The following CHD3 variants were observed in gnomAD, a reference collection of about 807,000 sequenced individuals.
CHD3 encodes the protein chromodomain helicase DNA binding protein 3, also known as ATP-dependent chromatin remodeler CHD3.
CHD3 carries 52 observed loss-of-function variants against 248.9 expected under a neutral mutation model. That is an observed-to-expected ratio of 0.21 (90% confidence interval 0.17 to 0.26). CHD3 has a LOEUF of 0.26. Ranked by LOEUF, CHD3 falls within the 10% of genes least tolerant of loss-of-function variation. CHD3 has a pLI of 1.00. For synonymous variants in CHD3, 985 were observed against 985.2 expected, an observed-to-expected ratio of 1.00 and a Z score of 0.00; for missense variants, 1,482 against 2,605.8, an observed-to-expected ratio of 0.57 and a Z score of 9.39.
In CHD3 at chr17:7,910,996, C is replaced by T; in HGVS notation, c.5881+23C>T. The stretch of plus-strand genomic sequence containing the variant: ...CAGGTCAGCTGGTGTTTTCCTACCC[C>T]CTGCTACTCACACTCCTCCTTTGCC... On this transcript the variant is annotated intron_variant, in intron 39 of 39. Coordinates refer to ENST00000330494, the MANE Select transcript of CHD3 (RefSeq NM_001005273.3). This position sits in a 1 kb window ranked among gnomAD's most constrained non-coding sequence, Gnocchi z 4.7. The T allele has an allele frequency of 2.5e-6, 4 of 1,612,148 alleles. No individual in the cohort carries two copies. Among genetic ancestry groups the T allele is most frequent in the Non-Finnish European group, 3.4e-6 (4 of 1,179,388 alleles).
At position 7,901,642 on chromosome 17, in the gene CHD3, C is replaced by T. The variant is rs541316617; in HGVS notation, c.3252+267C>T. ...TCTCCTGCCTCAGCCTCCCAAGTAG[C>T]TGGGATTACAGGCGTGCACCACCAT... is the stretch of plus-strand genomic sequence containing the variant. On this transcript the variant is annotated intron_variant, in intron 20 of 39. Coordinates refer to ENST00000330494, the MANE Select transcript of CHD3 (RefSeq NM_001005273.3). Among the ~76,000 whole-genome samples the T allele has an allele frequency of 4.6e-5, 7 of 151,728 alleles. No homozygotes were observed. The South Asian group carries it at 1.5e-3, about 32-fold the overall frequency.
chr17:7,889,549 G>A lies in CHD3; in HGVS notation c.101-115G>A, dbSNP rs749266184. ...CCAGTGAAGGGAGGCAGGGCTTGGA[G>A]GAGTTAATGCTTCCTAGAGAGTGGG... is the stretch of plus-strand genomic sequence containing the variant. On this transcript the variant is annotated intron_variant, in intron 1 of 39. Coordinates refer to ENST00000330494, the MANE Select transcript of CHD3 (RefSeq NM_001005273.3). This position sits in a 1 kb window ranked among gnomAD's most constrained non-coding sequence, Gnocchi z 4.5. The A allele has an allele frequency of 2.2e-4, 171 of 778,776 alleles. No homozygotes were observed. The highest frequency in any genetic ancestry group is 3.4e-4 in the Non-Finnish European group (161 of 472,878). The allele number at this position is 778,776 out of a possible 1,614,324, so 48.2% of individuals were successfully genotyped here. A position where few individuals can be genotyped will look rare whatever the true frequency, so the allele number is the denominator to read the frequency against.
chr17:7,900,512 C>A lies in CHD3; in HGVS notation c.2805-46C>A, dbSNP rs779133005. ...GAGGTGGTAAGTCTGAGATCAGGGGCAAGGAACTTGCCGACCTGTTAATTT... is the reference window on the plus strand; with the variant it reads ...GAGGTGGTAAGTCTGAGATCAGGGGAAAGGAACTTGCCGACCTGTTAATTT... On this transcript the variant is annotated intron_variant, in intron 17 of 39. Coordinates refer to ENST00000330494, the MANE Select transcript of CHD3 (RefSeq NM_001005273.3). This position sits in a 1 kb window ranked among gnomAD's most constrained non-coding sequence, Gnocchi z 6.5. The A allele has an allele frequency of 1.3e-5, 21 of 1,609,452 alleles. No individual in the cohort carries two copies. The Admixed American group carries it at 2.5e-4, about 19-fold the overall frequency.
upstream of CHD3, among the ~76,000 whole-genome samples, chr17:7,885,576 C>T (rs901251563): frequency 1.3e-5 from 2 of 151,534 alleles, no homozygotes; most frequent in African/African-American, 4.8e-5. Flanking sequence ...GAGGGGCGGC[C>T]GCGCGAGCGC....
chr17:7,905,217 G>T lies in CHD3; in HGVS notation c.4138+52G>T. On this transcript the variant is annotated intron_variant, in intron 26 of 39. Transcript: ENST00000330494. The surrounding 1 kb of genome is among the most constrained non-coding windows in gnomAD (Gnocchi z 5.8). ...TCACCTCTTCCCGTTTTATTTTCCA[G>T]TTTGCTTTAAGCCCACTGTTTTTAT... 1.3e-6 allele frequency: 2 copies of T among 1,568,588 alleles called. No individual in the cohort carries two copies. The highest frequency in any genetic ancestry group is 2.2e-5 in the South Asian group (2 of 90,118).
In CHD3 at chr17:7,905,742, G is replaced by C; in HGVS notation, c.4224+36G>C. The C allele has an allele frequency of 1.2e-6, 2 of 1,612,880 alleles. No homozygotes were observed. Among genetic ancestry groups the C allele is most frequent in the Non-Finnish European group, 1.7e-6 (2 of 1,178,970 alleles). ...GGCCCAGTGTTCCTGAGTTCTCCAAGAGGGCATGAGGGCAGGAGGTTGGAA... is the reference window on the plus strand; with the variant it reads ...GGCCCAGTGTTCCTGAGTTCTCCAACAGGGCATGAGGGCAGGAGGTTGGAA... On this transcript the variant is annotated intron_variant, in intron 27 of 39. Transcript: ENST00000330494. This position sits in a 1 kb window ranked among gnomAD's most constrained non-coding sequence, Gnocchi z 5.8.
rs774364338 is a variant in CHD3, at chr17:7,907,092, A to G, written c.4667-34A>G. ...GGGAGCCAGGAGTCAGGGCGGGAGA[A>G]TCTCTGTCTTTATCACTGTGCCTTC... On this transcript the variant is annotated intron_variant, in intron 30 of 39. Coordinates refer to ENST00000330494, the MANE Select transcript of CHD3 (RefSeq NM_001005273.3). This position sits in a 1 kb window ranked among gnomAD's most constrained non-coding sequence, Gnocchi z 4.3. 1 of 1,613,976 alleles carries G rather than the reference A, an allele frequency of 6.2e-7. No homozygotes were observed. The highest frequency in any genetic ancestry group is 8.5e-7 in the Non-Finnish European group (1 of 1,179,902).
At position 7,905,147 on chromosome 17, in the gene CHD3, T is replaced by G. The variant is rs1441034684; in HGVS notation, c.4120T>G (p.Phe1374Val). Residue 1374 changes from phenylalanine (F) to valine (V), a missense_variant, in exon 26 of 40, where the codon TTC becomes GTC. Physicochemically the swap from Phe to Val is conservative, Grantham distance 50. This residue lies in a region of CHD3 where 156 missense variants were observed against 420.3 expected (regional missense o/e 0.37). Transcript: ENST00000330494. The surrounding 1 kb of genome is among the most constrained non-coding windows in gnomAD (Gnocchi z 5.8). ...GGGTTCAGAGGAGGAGGATGAAGAC[T>G]TCGATGAACGTCCTGAAGGTGGCAT... ...SVGSEEEDED[F>V]DERPEGRRQS... The G allele has an allele frequency of 6.2e-7, 1 of 1,614,130 alleles. No homozygotes were observed.
chr17:7,903,712 G>T lies in CHD3; in HGVS notation c.3728-113G>T. The T allele has an allele frequency of 8.1e-7, 1 of 1,238,684 alleles. No individual in the cohort carries two copies. 76.7% of individuals were successfully genotyped at this position (1,238,684 alleles called of 1,614,324 possible). A position where few individuals can be genotyped will look rare whatever the true frequency, so the allele number is the denominator to read the frequency against. ...CAAAAACCTTTCAACATTGGCTCCC[G>T]GGGAAAAAGCCTTCTCTAGGGCTCC... is the stretch of plus-strand genomic sequence containing the variant. On this transcript the variant is annotated intron_variant, in intron 23 of 39. Coordinates refer to ENST00000330494, the MANE Select transcript of CHD3 (RefSeq NM_001005273.3). The surrounding 1 kb of genome is among the most constrained non-coding windows in gnomAD (Gnocchi z 6.8).
At chr17:7,890,872 C>T (rs1464281437) in intron 3 of CHD3, 68 bp from the exon 4 acceptor site, 28 of 1,604,128 alleles carry the variant, frequency 1.7e-5, no homozygotes, top group Middle Eastern at 1.8e-4. Context: ...GGTAGGTAGA[C>T]AGGCCTGTGT....
chr17:7,899,338 C>A lies in CHD3; in HGVS notation c.2344-5C>A. 6.2e-7 allele frequency: 1 copy of A among 1,613,976 alleles called. No individual in the cohort carries two copies. Among genetic ancestry groups the A allele is most frequent in the South Asian group, 1.1e-5 (1 of 91,088 alleles). On this transcript the variant is annotated splice_region_variant and splice_polypyrimidine_tract_variant and intron_variant, in intron 14 of 39. Transcript: ENST00000330494. This position sits in a 1 kb window ranked among gnomAD's most constrained non-coding sequence, Gnocchi z 6.8. Reference sequence around the variant, plus strand: ...ACTTATGCTGCCCCCATTCTTGACTCCCAGGGCCACACAAAAGGTCCCTTC... The same window carrying A: ...ACTTATGCTGCCCCCATTCTTGACTACCAGGGCCACACAAAAGGTCCCTTC...
chr17:7,895,324 G>C lies in CHD3; in HGVS notation c.1504-15G>C. ...CCTCTTTCTTTCCTCCTCCTTGTACGTGTCCATCCCAAAGTGCCCCGTGCT... is the reference window on the plus strand; with the variant it reads ...CCTCTTTCTTTCCTCCTCCTTGTACCTGTCCATCCCAAAGTGCCCCGTGCT... On this transcript the variant is annotated splice_polypyrimidine_tract_variant and intron_variant, in intron 9 of 39. Coordinates refer to ENST00000330494, the MANE Select transcript of CHD3 (RefSeq NM_001005273.3). The surrounding 1 kb of genome is among the most constrained non-coding windows in gnomAD (Gnocchi z 4.9). The C allele has an allele frequency of 6.2e-7, 1 of 1,613,466 alleles. No homozygotes were observed. Among genetic ancestry groups the C allele is most frequent in the Non-Finnish European group, 8.5e-7 (1 of 1,179,736 alleles).
At position 7,908,236 on chromosome 17, in the gene CHD3, G is replaced by A. The variant is rs546126626; in HGVS notation, c.5153-166G>A. On this transcript the variant is annotated intron_variant, in intron 34 of 39. Transcript: ENST00000330494. This position sits in a 1 kb window ranked among gnomAD's most constrained non-coding sequence, Gnocchi z 5.8. ...TCCCACCTTTATTCTTAATTCTAAC[G>A]AACCTGGTTAGAACTGAGTTTGTTC... is the stretch of plus-strand genomic sequence containing the variant. Among the ~76,000 whole-genome samples the A allele has an allele frequency of 1.3e-5, 2 of 151,998 alleles. No homozygotes were observed. Among genetic ancestry groups the A allele is most frequent in the Admixed American group, 1.3e-4 (2 of 15,264 alleles).
Position 7,895,322 on chromosome 17 carries a change from A to G in CHD3, c.1504-17A>G. On this transcript the variant is annotated splice_polypyrimidine_tract_variant and intron_variant, in intron 9 of 39. Coordinates refer to ENST00000330494, the MANE Select transcript of CHD3 (RefSeq NM_001005273.3). This position sits in a 1 kb window ranked among gnomAD's most constrained non-coding sequence, Gnocchi z 4.9. ...TGCCTCTTTCTTTCCTCCTCCTTGT[A>G]CGTGTCCATCCCAAAGTGCCCCGTG... 6.2e-7 allele frequency: 1 copy of G among 1,613,404 alleles called. No individual in the cohort carries two copies. Among genetic ancestry groups the G allele is most frequent in the Non-Finnish European group, 8.5e-7 (1 of 1,179,726 alleles).
chr17:7,888,880 CAA>C lies in CHD3; in HGVS notation c.-119_-118del. On this transcript the variant is annotated 5_prime_UTR_variant, in exon 1 of 40. The change creates a premature stop within an existing upstream ORF in the 5' untranslated region. Coordinates refer to ENST00000330494, the MANE Select transcript of CHD3 (RefSeq NM_001005273.3). ...GGAGGTGAAGGGTGAGATCGGGAAA[CAA>C]AGGGTATGGCCCCCTAGTTCCCAAA... is the stretch of plus-strand genomic sequence containing the variant. The C allele has an allele frequency of 6.6e-7, 1 of 1,513,544 alleles. No homozygotes were observed. Among genetic ancestry groups the C allele is most frequent in the South Asian group, 1.3e-5 (1 of 76,294 alleles). 93.8% of individuals were successfully genotyped at this position (1,513,544 alleles called of 1,614,324 possible). A position where few individuals can be genotyped will look rare whatever the true frequency, so the allele number is the denominator to read the frequency against.
At position 7,893,463 on chromosome 17, in the gene CHD3, G is replaced by C. The variant is rs576181084; in HGVS notation, c.687G>C (p.Ser229=). 6.2e-7 allele frequency: 1 copy of C among 1,610,056 alleles called. No individual in the cohort carries two copies. The highest frequency in any genetic ancestry group is 8.5e-7 in the Non-Finnish European group (1 of 1,177,848). ...CTGAGCAGGTGTCAGCTGCTGTCTCGTCGGCCACCCCCATAGCACCCTCCG... is the reference window on the plus strand; with the variant it reads ...CTGAGCAGGTGTCAGCTGCTGTCTCCTCGGCCACCCCCATAGCACCCTCCG... ...AVAEQVSAAV[S]SATPIAPSGP... Residue 229 remains serine, a synonymous_variant, in exon 5 of 40, where the codon TCG becomes TCC. Transcript: ENST00000330494.
chr17:7,885,698 G>A (rs375855082), upstream of CHD3, among the ~76,000 whole-genome samples: 360 of 152,276 alleles, frequency 2.4e-3, 2 homozygotes, highest in African/African-American at 8.3e-3. Context: ...GCAGAGTGGG[G>A]ACGGTGTCCA....
chr17:7,899,631 C>A lies in CHD3; in HGVS notation c.2544+88C>A. 1 of 1,337,082 alleles carries A rather than the reference C, an allele frequency of 7.5e-7. No individual in the cohort carries two copies. Among genetic ancestry groups the A allele is most frequent in the Non-Finnish European group, 1.0e-6 (1 of 952,902 alleles). The allele number at this position is 1,337,082 out of a possible 1,614,324, so 82.8% of individuals were successfully genotyped here. ...GGAATTCAGTTTCTCTATTCCCCTC[C>A]TCACCTTTCTCCTCTTCCTCCACCT... On this transcript the variant is annotated intron_variant, in intron 15 of 39. Coordinates refer to ENST00000330494, the MANE Select transcript of CHD3 (RefSeq NM_001005273.3). This position sits in a 1 kb window ranked among gnomAD's most constrained non-coding sequence, Gnocchi z 6.8.
At chr17:7,890,399 A>G in intron 2 of CHD3, 172 bp from the exon 3 acceptor site, 2 of 551,826 alleles carry the variant, frequency 3.6e-6, no homozygotes, top group Non-Finnish European at 6.2e-6. Flanking sequence ...AGTGCACTCC[A>G]GCATGGGTGA....
Sources: gnomAD v4.1 joint callset for allele counts (sites outside exome capture counted in the v4.1 genomes callset) on GRCh38, gnomAD v4.1.1 for gene constraint, gnomAD v4.1.1 regional missense constraint, Gnocchi (gnomAD v3.1) non-coding constraint, MANE v1.5 for transcripts, NCBI Gene and HGNC (gene_info 2026-07-23, HGNC 2026-07-21) for gene names.